The following NLGN1 variants were observed in gnomAD, a reference collection of about 807,000 sequenced individuals.
The protein encoded by NLGN1 is neuroligin-1.
In NLGN1, 12 loss-of-function variants were observed where a neutral mutation model predicts 65.5. That is an observed-to-expected ratio of 0.18 (90% CI 0.12 to 0.30). The LOEUF (loss-of-function observed/expected upper bound fraction) is 0.30. Ranked by LOEUF, NLGN1 falls within the 10% of genes least tolerant of loss-of-function variation. The probability of loss-of-function intolerance (pLI) is 1.00; values close to 1 mark genes in which losing one functional copy is unlikely to be tolerated. For missense variants in NLGN1, 750 were observed against 1,007.1 expected (o/e 0.74, Z 3.46); for synonymous variants, 350 against 359.5 (o/e 0.97, Z 0.30).
At chr3:173,650,824 G>A (rs1197906259) in intron 3 of NLGN1, among the ~76,000 whole-genome samples, 1 of 151,860 alleles carries the variant, frequency 6.6e-6, no homozygotes, top group Non-Finnish European at 1.5e-5. Flanking sequence ...AACCTCATAT[G>A]CTTTTAATTA....
chr3:173,855,263 G>A (rs1439139698), intron 4 of NLGN1, among the ~76,000 whole-genome samples: 1 of 151,902 alleles, frequency 6.6e-6, no homozygotes, highest in Non-Finnish European at 1.5e-5. Flanking sequence ...TCTTTTAAAG[G>A]ATAATTACAA....
chr3:173,615,984 A>G (rs1753004506), intron 3 of NLGN1, among the ~76,000 whole-genome samples: 1 of 152,104 alleles, frequency 6.6e-6, no homozygotes, highest in South Asian at 2.1e-4. Flanking sequence ...GCTGCCCTCA[A>G]AGAGTTCACT....
chr3:174,044,827 C>G (rs1243095264), intron 4 of NLGN1, among the ~76,000 whole-genome samples: 2 of 152,054 alleles, frequency 1.3e-5, no homozygotes, highest in East Asian at 3.9e-4. Flanking sequence ...GGCAGTTACC[C>G]CCGTGCTGCT....
intron 2 of NLGN1, among the ~76,000 whole-genome samples, chr3:173,538,605 G>T (rs1475162162): frequency 6.6e-6 from 1 of 152,134 alleles, no homozygotes; most frequent in Non-Finnish European, 1.5e-5. Flanking sequence ...GTAACTGGCT[G>T]GTCACTGGAG....
intron 4 of NLGN1, among the ~76,000 whole-genome samples, chr3:174,132,863 C>T (rs564073511): frequency 6.6e-6 from 1 of 152,160 alleles, no homozygotes; most frequent in African/African-American, 2.4e-5. Flanking sequence ...GTTTACCAAG[C>T]GAGTAACCCA....
intron 3 of NLGN1, among the ~76,000 whole-genome samples, chr3:173,658,010 A>G (rs979012502): frequency 6.6e-6 from 1 of 151,964 alleles, no homozygotes. Context: ...TTGGGAAAAA[A>G]ATAGGTTTTA....
chr3:173,566,383 C>A (rs554996515), intron 2 of NLGN1, among the ~76,000 whole-genome samples: 100 of 152,136 alleles, frequency 6.6e-4, no homozygotes, highest in Non-Finnish European at 1.0e-3. Context: ...TAGTAGGTCA[C>A]CCAAATATGT....
chr3:173,611,276 G>A (rs552907968), intron 3 of NLGN1, among the ~76,000 whole-genome samples: 15 of 152,080 alleles, frequency 9.9e-5, no homozygotes, highest in Non-Finnish European at 1.8e-4. Flanking sequence ...GGTTCTCACC[G>A]TCACTTTCCA....
chr3:173,637,799 C>G (rs1008045808), intron 3 of NLGN1, among the ~76,000 whole-genome samples: 9 of 152,220 alleles, frequency 5.9e-5, no homozygotes, highest in African/African-American at 2.2e-4. Context: ...CCTTTTATGC[C>G]TCAGTCATCC....
chr3:174,094,280 T>C (rs1745053760), intron 4 of NLGN1, among the ~76,000 whole-genome samples: 1 of 152,222 alleles, frequency 6.6e-6, no homozygotes, highest in Admixed American at 6.5e-5. Context: ...AATTTCTACC[T>C]TTTGTTTTTC....
intron 4 of NLGN1, among the ~76,000 whole-genome samples, chr3:174,150,858 C>T (rs1221517153): frequency 2.6e-5 from 4 of 151,862 alleles, no homozygotes; most frequent in Admixed American, 1.3e-4. Context: ...ATAAACATTC[C>T]TAAACAAAAA....
At chr3:173,421,919 C>A (rs1328668144) in intron 1 of NLGN1, among the ~76,000 whole-genome samples, 1 of 152,068 alleles carries the variant, frequency 6.6e-6, no homozygotes, top group East Asian at 1.9e-4. Context: ...TACCTCAACA[C>A]TTTTTAATTG....
chr3:173,738,091 T>A (rs1056704312), intron 3 of NLGN1, among the ~76,000 whole-genome samples: 10 of 151,772 alleles, frequency 6.6e-5, no homozygotes, highest in Non-Finnish European at 1.0e-4. Flanking sequence ...CCATTTAAAA[T>A]TTTTTTTTAA....
chr3:173,558,279 T>C (rs770593813), intron 2 of NLGN1, among the ~76,000 whole-genome samples: 1 of 152,132 alleles, frequency 6.6e-6, no homozygotes, highest in Non-Finnish European at 1.5e-5. Flanking sequence ...ACTTTGAATA[T>C]TGTATCCCTA....
intron 4 of NLGN1, among the ~76,000 whole-genome samples, chr3:174,257,130 A>G (rs1266538972): frequency 1.3e-5 from 2 of 152,218 alleles, no homozygotes; most frequent in Non-Finnish European, 2.9e-5. Flanking sequence ...GAAGACATAA[A>G]TGCAGCCAAC....
At chr3:173,506,374 G>T (rs1359324927) in intron 2 of NLGN1, among the ~76,000 whole-genome samples, 1 of 151,514 alleles carries the variant, frequency 6.6e-6, no homozygotes, top group Non-Finnish European at 1.5e-5. Context: ...TATTATTTTA[G>T]TTTTTTTTAA....
At chr3:173,902,093 G>A (rs2152183823) in intron 4 of NLGN1, among the ~76,000 whole-genome samples, 1 of 152,228 alleles carries the variant, frequency 6.6e-6, no homozygotes, top group South Asian at 2.1e-4. Context: ...ATCCAAATCA[G>A]TACTCACACT....
At chr3:174,238,993 T>C (rs1214920171) in intron 4 of NLGN1, among the ~76,000 whole-genome samples, 1 of 152,188 alleles carries the variant, frequency 6.6e-6, no homozygotes, top group African/African-American at 2.4e-5. Flanking sequence ...TGGGAGCTCA[T>C]TAGACATCCA....
At chr3:174,165,690 A>C (rs1254998327) in intron 4 of NLGN1, among the ~76,000 whole-genome samples, 1 of 151,978 alleles carries the variant, frequency 6.6e-6, no homozygotes, top group East Asian at 1.9e-4. Context: ...AAGCTTTGGT[A>C]TCATGGTGAG....
Sources: gnomAD v4.1 joint callset for allele counts (sites outside exome capture counted in the v4.1 genomes callset) on GRCh38, gnomAD v4.1.1 for gene constraint, MANE v1.5 for transcripts, NCBI Gene and HGNC (gene_info 2026-07-23, HGNC 2026-07-21) for gene names.